CTNNA2: variants seen among roughly 807,000 people sequenced by gnomAD.
CTNNA2 encodes catenin alpha 2, also known as catenin alpha-2.
A neutral mutation model predicts 101.0 loss-of-function variants in CTNNA2; 42 were observed. The ratio of observed to expected loss-of-function variants is 0.42; its 90% CI spans 0.32 to 0.54. The LOEUF (loss-of-function observed/expected upper bound fraction) is 0.54, where lower values mean the gene tolerates loss of function less well. Among genes scored for constraint, CTNNA2 ranks in the 20% least tolerant of loss-of-function variants. The pLI is 0.14. For missense variants in CTNNA2, 871 were observed against 1,223.1 expected (o/e 0.71, Z 4.29); for synonymous variants, 450 against 456.4 (o/e 0.99, Z 0.18).
At chr2:79,797,239 G>T (rs370330324) in intron 3 of CTNNA2, among the ~76,000 whole-genome samples, 7 of 152,152 alleles carry the variant, frequency 4.6e-5, no homozygotes, top group African/African-American at 1.2e-4. Context: ...TGGAAGGTGG[G>T]TAGGTAGGAT....
intron 7 of CTNNA2, among the ~76,000 whole-genome samples, chr2:80,223,510 G>A (rs1708695944): frequency 6.6e-6 from 1 of 152,290 alleles, no homozygotes; most frequent in Admixed American, 6.5e-5. Context: ...CCGACCTCAG[G>A]TGATCTGCCT....
chr2:80,078,296 G>A (rs1477709334), intron 7 of CTNNA2, among the ~76,000 whole-genome samples: 1 of 152,130 alleles, frequency 6.6e-6, no homozygotes, highest in African/African-American at 2.4e-5. Context: ...GAAGTGCAGG[G>A]GACCATGGGT....
At chr2:79,883,305 G>T (rs1683590380) in intron 6 of CTNNA2, among the ~76,000 whole-genome samples, 1 of 152,144 alleles carries the variant, frequency 6.6e-6, no homozygotes, top group Admixed American at 6.5e-5. Context: ...TTACAGGATT[G>T]ATTTCTATCT....
chr2:79,340,569 C>T (rs1469984003), intron 3 of CTNNA2, among the ~76,000 whole-genome samples: 3 of 152,134 alleles, frequency 2.0e-5, no homozygotes, highest in African/African-American at 2.4e-5. Context: ...CGTGGTGGCT[C>T]ACGCCTGTAA....
intron 7 of CTNNA2, among the ~76,000 whole-genome samples, chr2:80,375,563 T>TTTTTTC (rs1675867865): frequency 1.9e-5 from 1 of 52,474 alleles, no homozygotes; most frequent in African/African-American, 2.0e-4. Flanking sequence ...TTCTGGCTTC[T>TTTTTTC]TTTTTTTTTT....
intron 8 of CTNNA2, among the ~76,000 whole-genome samples, chr2:80,410,144 T>C (rs1679437385): frequency 6.6e-6 from 1 of 152,208 alleles, no homozygotes; most frequent in African/African-American, 2.4e-5. Flanking sequence ...TACAAAATAC[T>C]TTTGCAGTAT....
chr2:79,346,527 A>C lies in CTNNA2; in HGVS notation c.-317-27304A>C, dbSNP rs562175032. On this transcript the variant is annotated intron_variant, in intron 3 of 21. Coordinates refer to the CTNNA2 transcript ENST00000466387. ...GATGTCAATAACTAGACACTATGGAATAGCATGATTTTATACTCAGAAGTC... is the reference window on the plus strand; with the variant it reads ...GATGTCAATAACTAGACACTATGGACTAGCATGATTTTATACTCAGAAGTC... Among the ~76,000 whole-genome samples, 17 of 152,282 alleles carry C rather than the reference A, an allele frequency of 1.1e-4. No individual in the cohort carries two copies. The South Asian group carries it at 3.5e-3, about 32-fold the overall frequency.
At chr2:80,338,314 T>C (rs1251682034) in intron 7 of CTNNA2, among the ~76,000 whole-genome samples, 1 of 151,150 alleles carries the variant, frequency 6.6e-6, no homozygotes, top group Non-Finnish European at 1.5e-5. Context: ...TTTTTTTTTT[T>C]TTTCACTTTT....
chr2:79,258,858 A>T, intron 2 of CTNNA2, among the ~76,000 whole-genome samples: 1 of 150,370 alleles, frequency 6.7e-6, no homozygotes, highest in East Asian at 1.9e-4. Flanking sequence ...AAAAAAAAAA[A>T]AAAAAAAAAA....
At chr2:79,784,677 G>A in intron 3 of CTNNA2, among the ~76,000 whole-genome samples, 1 of 151,342 alleles carries the variant, frequency 6.6e-6, no homozygotes, top group East Asian at 1.9e-4. Flanking sequence ...CAAACTCTTG[G>A]CTCTACCTTC....
At chr2:80,052,428 T>C (rs1434935327) in intron 7 of CTNNA2, among the ~76,000 whole-genome samples, 1 of 152,246 alleles carries the variant, frequency 6.6e-6, no homozygotes, top group Non-Finnish European at 1.5e-5. Flanking sequence ...ATTCAAGCCA[T>C]ATTGCATTCC....
At chr2:80,343,263 C>T (rs1289140141) in intron 7 of CTNNA2, among the ~76,000 whole-genome samples, 1 of 151,914 alleles carries the variant, frequency 6.6e-6, no homozygotes. Flanking sequence ...ATTCTCTTGG[C>T]CTAGCTAAAA....
intron 9 of CTNNA2, among the ~76,000 whole-genome samples, chr2:80,452,718 G>A (rs539087505): frequency 1.0e-3 from 159 of 151,668 alleles, no homozygotes; most frequent in Non-Finnish European, 1.7e-3. Flanking sequence ...AGAAATCTAG[G>A]AAAGGGTGAA....
chr2:79,672,437 G>A (rs970090722), intron 2 of CTNNA2, among the ~76,000 whole-genome samples: 16 of 151,554 alleles, frequency 1.1e-4, no homozygotes, highest in Admixed American at 5.9e-4. Flanking sequence ...TTTTGTAATC[G>A]GTTCTAAGAA....
chr2:80,576,626 T>G (rs763350372), intron 13 of CTNNA2, among the ~76,000 whole-genome samples: 1 of 151,808 alleles, frequency 6.6e-6, no homozygotes, highest in Non-Finnish European at 1.5e-5. Context: ...TGGCCACACT[T>G]TTATCAACTG....
In CTNNA2 at chr2:79,916,211, G is replaced by A. The variant is rs112278530; in HGVS notation, c.1056+6414G>A. On this transcript the variant is annotated intron_variant, in intron 7 of 18. Transcript: ENST00000402739. The stretch of plus-strand genomic sequence containing the variant: ...AAGTAATGTTTGAAAATGTTTGTGG[G>A]CAATCGAGATCGAATGTTGCCCATA... Among the ~76,000 whole-genome samples, 430 of 152,238 alleles carry A rather than the reference G, an allele frequency of 2.8e-3. 3 individuals are homozygous for A. Among genetic ancestry groups the A allele is most frequent in the African/African-American group, 0.01 (421 of 41,546 alleles).
At position 80,331,785 on chromosome 2, in the gene CTNNA2, C is replaced by A. The variant is rs527438403; in HGVS notation, c.1057-61426C>A. Among the ~76,000 whole-genome samples, 14 of 152,238 alleles carry A rather than the reference C, an allele frequency of 9.2e-5. No individual in the cohort carries two copies. In the South Asian group the frequency reaches 2.1e-3, roughly 23 times the overall value. On this transcript the variant is annotated intron_variant, in intron 7 of 18. Coordinates refer to ENST00000402739, the MANE Select transcript of CTNNA2 (RefSeq NM_001282597.3). ...AGGGTCCCCACTTTTTCTTCCCAAT[C>A]CCCATTACATTCATAGCCTTAAGAA...
chr2:80,241,082 G>A (rs748767061), intron 7 of CTNNA2, among the ~76,000 whole-genome samples: 4 of 152,038 alleles, frequency 2.6e-5, no homozygotes, highest in African/African-American at 4.8e-5. Context: ...GTTCTAATTC[G>A]GTCAGGACAC....
chr2:79,945,991 G>T (rs1209815870), intron 7 of CTNNA2, among the ~76,000 whole-genome samples: 1 of 152,136 alleles, frequency 6.6e-6, no homozygotes, highest in Non-Finnish European at 1.5e-5. Context: ...CAAGGAGAAG[G>T]TAATAGTTTG....
Sources: gnomAD v4.1 joint callset for allele counts (sites outside exome capture counted in the v4.1 genomes callset) on GRCh38, gnomAD v4.1.1 for gene constraint, MANE v1.5 for transcripts, NCBI Gene and HGNC (gene_info 2026-07-23, HGNC 2026-07-21) for gene names.